FMN1: variants seen among roughly 807,000 people sequenced by gnomAD.
The protein encoded by FMN1 is formin-1.
FMN1 carries 110 observed loss-of-function variants against 132.4 expected under a neutral mutation model. The observed-to-expected ratio is 0.83, with a 90% CI of 0.71 to 0.97. The LOEUF is 0.97. Among genes scored for constraint, FMN1 ranks in the 50% least tolerant of loss-of-function variants. The probability of loss-of-function intolerance (pLI) is 0.00; values close to 1 mark genes in which losing one functional copy is unlikely to be tolerated. For synonymous variants in FMN1, 722 were observed against 651.7 expected (o/e 1.11, Z -1.64); for missense variants, 1,792 against 1,705.3 (o/e 1.05, Z -0.90).
At chr15:32,872,488 T>C (rs910974975) in intron 16 of FMN1, among the ~76,000 whole-genome samples, 3 of 152,250 alleles carry the variant, frequency 2.0e-5, no homozygotes, top group Non-Finnish European at 2.9e-5. Flanking sequence ...CCTATAGGAA[T>C]GCTTAAATAC....
chr15:32,921,162 G>A (rs1175281721), intron 10 of FMN1, among the ~76,000 whole-genome samples: 1 of 152,198 alleles, frequency 6.6e-6, no homozygotes, highest in African/African-American at 2.4e-5. Flanking sequence ...ATTAGGGTGG[G>A]AGGACCTAGG....
chr15:33,002,803 G>A (rs1374171211), intron 7 of FMN1, among the ~76,000 whole-genome samples: 3 of 152,166 alleles, frequency 2.0e-5, no homozygotes, highest in African/African-American at 7.2e-5. Context: ...TTTGCCAAAT[G>A]AAACACTTCT....
chr15:32,973,620 A>G (rs1189308963), intron 7 of FMN1, among the ~76,000 whole-genome samples: 1 of 149,568 alleles, frequency 6.7e-6, no homozygotes, highest in East Asian at 2.0e-4. Context: ...CCTGTTTCAT[A>G]ATCTCTCTTG....
chr15:32,864,866 C>T (rs903783804), intron 16 of FMN1, among the ~76,000 whole-genome samples: 1 of 152,096 alleles, frequency 6.6e-6, no homozygotes, highest in African/African-American at 2.4e-5. Flanking sequence ...GCCCATCCAT[C>T]GTCTGATAAA....
At chr15:33,011,983 ATAAAGT>A (rs1310287076) in intron 6 of FMN1, 4 of 227,964 alleles carry the variant, frequency 1.8e-5, no homozygotes, top group South Asian at 1.4e-4. Flanking sequence ...ATATTTTCTA[ATAAAGT>A]TAAAGATATT....
At chr15:32,869,159 G>T (rs942836746) in intron 16 of FMN1, among the ~76,000 whole-genome samples, 1 of 152,202 alleles carries the variant, frequency 6.6e-6, no homozygotes, top group Non-Finnish European at 1.5e-5. Context: ...GAGTTAAGTG[G>T]TGTAGCATGT....
intron 5 of FMN1, among the ~76,000 whole-genome samples, chr15:33,072,935 A>AC (rs1216110173): frequency 1.0e-3 from 155 of 152,046 alleles, no homozygotes; most frequent in Middle Eastern, 3.4e-3. Flanking sequence ...AAAAAAAAAA[A>AC]AACAAAAACA....
intron 4 of FMN1, among the ~76,000 whole-genome samples, chr15:33,091,484 A>G (rs1009939048): frequency 6.6e-6 from 1 of 152,246 alleles, no homozygotes; most frequent in Non-Finnish European, 1.5e-5. Flanking sequence ...TAACCAGACA[A>G]TATCCCTATG....
intron 7 of FMN1, among the ~76,000 whole-genome samples, chr15:32,988,050 T>C (rs2033181955): frequency 1.4e-4 from 1 of 7,294 alleles, no homozygotes; most frequent in Non-Finnish European, 3.9e-4. Context: ...GTCTCTCCAG[T>C]TTTTTTTTTT....
intron 7 of FMN1, among the ~76,000 whole-genome samples, chr15:32,978,221 A>C (rs2032369815): frequency 6.6e-6 from 1 of 152,170 alleles, no homozygotes. Flanking sequence ...AAATCAGCAA[A>C]TATAACCATG....
chr15:32,934,671 A>G (rs547057422), intron 9 of FMN1, among the ~76,000 whole-genome samples: 16 of 150,026 alleles, frequency 1.1e-4, no homozygotes, highest in Non-Finnish European at 1.9e-4. Flanking sequence ...CAATGGCGCA[A>G]TCTTGGCTCA....
At chr15:32,864,023 C>A (rs2059337095) in intron 16 of FMN1, among the ~76,000 whole-genome samples, 1 of 152,246 alleles carries the variant, frequency 6.6e-6, no homozygotes, top group Non-Finnish European at 1.5e-5. Flanking sequence ...ATCATACTTA[C>A]AATTAATAAA....
intron 11 of FMN1, among the ~76,000 whole-genome samples, chr15:32,909,632 G>A (rs183773590): frequency 3.3e-5 from 5 of 152,258 alleles, no homozygotes; most frequent in Non-Finnish European, 5.9e-5. Context: ...GCCCTAGACA[G>A]CTTCCTGGGA....
In FMN1 at chr15:33,008,042, T is replaced by C; in HGVS notation, c.2195A>G (p.Glu732Gly). Residue 732 changes from glutamate (E) to glycine (G), a missense_variant, in exon 7 of 21, where the codon GAG becomes GGG. By Grantham distance (98) the Glu-to-Gly change is moderately conservative. Transcript: ENST00000616417. ...YQAAILHLKR[E>G]HKEEIENLQA... ...CAGGTTTTCAATTTCTTCTTTGTGC[T>C]CCCTCTTCAAGTGTAAAATAGCAGC... The C allele has an allele frequency of 6.2e-7, 1 of 1,601,258 alleles. No individual in the cohort carries two copies. The highest frequency in any genetic ancestry group is 8.5e-7 in the Non-Finnish European group (1 of 1,173,184).
At chr15:33,152,569 T>C (rs1350401202) in intron 4 of FMN1, among the ~76,000 whole-genome samples, 1 of 151,978 alleles carries the variant, frequency 6.6e-6, no homozygotes, top group Non-Finnish European at 1.5e-5. Flanking sequence ...CAAAAACCTC[T>C]AACTACAGAC....
chr15:32,854,977 C>T (rs2059094398), intron 17 of FMN1, among the ~76,000 whole-genome samples: 1 of 151,218 alleles, frequency 6.6e-6, no homozygotes, highest in East Asian at 1.9e-4. Context: ...AGATCTTTTC[C>T]CATTAAGATA....
Position 33,088,802 on chromosome 15 carries a change from G to T in FMN1, c.2040C>A (p.Leu680=), listed in dbSNP as rs1348009080. The T allele has an allele frequency of 1.3e-6, 2 of 1,534,122 alleles. No individual in the cohort carries two copies. The highest frequency in any genetic ancestry group is 8.7e-7 in the Non-Finnish European group (1 of 1,146,006). ...KSNRSELYLD[L]HPDHSLTEQD... Reference sequence around the variant, plus strand: ...AATCACCAAGATTTCTACTTACATGGAGATCCAAGTACAATTCGCTCCTGT... The same window carrying T: ...AATCACCAAGATTTCTACTTACATGTAGATCCAAGTACAATTCGCTCCTGT... The change falls in exon 5 of 21, where the codon CTC becomes CTA. Residue 680 remains leucine, a synonymous_variant. Transcript: ENST00000616417.
chr15:32,962,887 T>C (rs1211010858), intron 9 of FMN1, among the ~76,000 whole-genome samples: 2 of 150,042 alleles, frequency 1.3e-5, no homozygotes, highest in African/African-American at 2.5e-5. Context: ...ACTTTTACAC[T>C]GTTGGTGGGA....
chr15:32,781,597 G>A (rs2056666184), intron 19 of FMN1, among the ~76,000 whole-genome samples: 1 of 152,148 alleles, frequency 6.6e-6, no homozygotes. Flanking sequence ...TTCCTGGACT[G>A]TATCATAGGA....
Sources: allele counts gnomAD v4.1 joint callset (sites outside exome capture counted in the v4.1 genomes callset), GRCh38; gene constraint gnomAD v4.1.1; transcripts MANE v1.5; gene names NCBI Gene and HGNC (gene_info 2026-07-23, HGNC 2026-07-21).